The following SPINK9 variants were observed in gnomAD, a reference collection of about 807,000 sequenced individuals.
SPINK9 encodes the protein serine peptidase inhibitor Kazal type 9, also known as serine protease inhibitor Kazal-type 9.
A neutral mutation model predicts 10.8 loss-of-function variants in SPINK9; 3 were observed. The ratio of observed to expected loss-of-function variants is 0.28; its 90% CI spans 0.13 to 0.72. SPINK9 has a LOEUF of 0.72. SPINK9 is among the 30% of genes least tolerant of loss of function. SPINK9 has a pLI of 0.74. For missense variants in SPINK9, 101 were observed against 103.2 expected (o/e 0.98, Z 0.09); for synonymous variants, 30 against 31.2 (o/e 0.96, Z 0.12).
intron 3 of SPINK9, among the ~76,000 whole-genome samples, chr5:148,338,940 G>A (rs1279934642): frequency 7.9e-5 from 12 of 152,066 alleles, no homozygotes; most frequent in Admixed American, 5.9e-4. Context: ...TATTTCCAGG[G>A]TCAAGGAGTA....
chr5:148,338,390 G>A (rs957747025), intron 2 of SPINK9, 88 bp from the exon 3 acceptor site: 11 of 1,217,732 alleles, frequency 9.0e-6, no homozygotes, highest in Non-Finnish European at 1.3e-5. Context: ...CATGCATTGA[G>A]AGCCCTCTGA....
chr5:148,335,667 C>A lies in SPINK9; in HGVS notation c.54C>A (p.Phe18Leu). Residue 18 changes from phenylalanine to leucine, a missense_variant and splice_region_variant, in exon 1 of 4, where the codon TTC (phenylalanine) becomes TTA (leucine). Physicochemically the swap from Phe to Leu is conservative, Grantham distance 22. Coordinates refer to ENST00000377906, the MANE Select transcript of SPINK9 (RefSeq NM_001040433.2). ...LLLALTLATM[F>L]SIECAKQTKQ... ...TGGCTCTGACACTTGCAACCATGTT[C>A]AGTGAGTATCTCTGATAATACTGCC... is the stretch of plus-strand genomic sequence containing the variant. 6.2e-7 allele frequency: 1 copy of A among 1,613,446 alleles called. No homozygotes were observed. Among genetic ancestry groups the A allele is most frequent in the South Asian group, 1.1e-5 (1 of 91,064 alleles).
intron 2 of SPINK9, among the ~76,000 whole-genome samples, chr5:148,326,510 A>G (rs1479537888): frequency 6.6e-6 from 1 of 151,994 alleles, no homozygotes; most frequent in Non-Finnish European, 1.5e-5. Context: ...TCAACAGAGG[A>G]ATGAATTTTT....
intron 2 of SPINK9, among the ~76,000 whole-genome samples, chr5:148,326,488 C>T (rs958870103): frequency 4.6e-5 from 7 of 152,032 alleles, no homozygotes; most frequent in Non-Finnish European, 8.8e-5. Context: ...ATAGAAATAA[C>T]CAAAGTGCCC....
At chr5:148,323,731 C>A (rs752883399) in exon 2 of SPINK9, 8 of 689,086 alleles carry the variant, frequency 1.2e-5, no homozygotes, top group Non-Finnish European at 2.1e-5. Context: ...TCTGTGTGAT[C>A]AATCAGCATT....
chr5:148,335,932 T>G (rs1313217067), intron 1 of SPINK9, among the ~76,000 whole-genome samples: 2 of 152,230 alleles, frequency 1.3e-5, no homozygotes, highest in African/African-American at 2.4e-5. Context: ...AGACTCTGCT[T>G]TGACTTGATG....
At position 148,326,659 on chromosome 5, in the gene SPINK9, C is replaced by T. The variant is rs548209062; in HGVS notation, c.118+2791C>T. Among the ~76,000 whole-genome samples, 3 of 152,086 alleles carry T rather than the reference C, an allele frequency of 2.0e-5. 1 individual carries two copies. In the East Asian group the frequency reaches 5.8e-4, roughly 29 times the overall value. Reference sequence around the variant, plus strand: ...AGGTATATCTCCTAATGCTATCCCTCCCCCTGCCCCCACCCCACAACAGTC... The same window carrying T: ...AGGTATATCTCCTAATGCTATCCCTTCCCCTGCCCCCACCCCACAACAGTC... On this transcript the variant is annotated intron_variant, in intron 2 of 4. Coordinates refer to the SPINK9 transcript ENST00000511717.
At chr5:148,328,689 T>C (rs1757104281) in intron 2 of SPINK9, among the ~76,000 whole-genome samples, 1 of 152,180 alleles carries the variant, frequency 6.6e-6, no homozygotes, top group South Asian at 2.1e-4. Context: ...CAATACCTAA[T>C]TTATTGAGAG....
At chr5:148,332,704 C>G (rs915147589), upstream of SPINK9, among the ~76,000 whole-genome samples, 1 of 152,170 alleles carries the variant, frequency 6.6e-6, no homozygotes, top group Non-Finnish European at 1.5e-5. Flanking sequence ...ATGGACTATT[C>G]TAAAGTTCCA....
At chr5:148,327,719 C>T (rs1235383808) in intron 2 of SPINK9, among the ~76,000 whole-genome samples, 1 of 151,232 alleles carries the variant, frequency 6.6e-6, no homozygotes, top group Non-Finnish European at 1.5e-5. Flanking sequence ...CAGCTTTCTA[C>T]ATATGGCTAG....
At chr5:148,331,719 C>A (rs1004208475), upstream of SPINK9, among the ~76,000 whole-genome samples, 1 of 152,172 alleles carries the variant, frequency 6.6e-6, no homozygotes, top group East Asian at 1.9e-4. Flanking sequence ...CAAAACATCA[C>A]ATTGTACTCC....
At chr5:148,329,280 A>G (rs761466869) in intron 2 of SPINK9, among the ~76,000 whole-genome samples, 1 of 152,122 alleles carries the variant, frequency 6.6e-6, no homozygotes. Flanking sequence ...TAGATTTTCT[A>G]GTTTATTTGC....
At chr5:148,333,010 T>A (rs529662420), upstream of SPINK9, among the ~76,000 whole-genome samples, 7 of 152,194 alleles carry the variant, frequency 4.6e-5, no homozygotes, top group South Asian at 1.5e-3. Context: ...ATTTAAAAAT[T>A]TTTCATATTT....
intron 1 of SPINK9, 119 bp downstream of exon 1, chr5:148,335,787 A>G (rs923990534): frequency 4.8e-5 from 60 of 1,246,886 alleles, no homozygotes; most frequent in Non-Finnish European, 6.7e-5. Flanking sequence ...AACTTTTTAA[A>G]ATGAATCTTT....
upstream of SPINK9, among the ~76,000 whole-genome samples, chr5:148,332,503 C>T (rs1402364084): frequency 2.0e-5 from 3 of 152,116 alleles, no homozygotes; most frequent in Admixed American, 6.5e-5. Flanking sequence ...TGAGCATTCA[C>T]GACAGATAAA....
At chr5:148,325,181 T>C (rs1016881612) in intron 2 of SPINK9, among the ~76,000 whole-genome samples, 5 of 152,112 alleles carry the variant, frequency 3.3e-5, no homozygotes, top group African/African-American at 4.8e-5. Flanking sequence ...CATAAATTGA[T>C]GGATAGTTGG....
In SPINK9 at chr5:148,337,299, C is replaced by T. The variant is rs192026841; in HGVS notation, c.87+846C>T. On this transcript the variant is annotated intron_variant, in intron 2 of 3. Transcript: ENST00000377906. Reference sequence around the variant, plus strand: ...ATCATCAGGCACTGCTGTTTCTATTCTGCTGCACTAGCCTCTAAGGTCCTC... The same window carrying T: ...ATCATCAGGCACTGCTGTTTCTATTTTGCTGCACTAGCCTCTAAGGTCCTC... Among the ~76,000 whole-genome samples, 276 of 152,252 alleles carry T rather than the reference C, an allele frequency of 1.8e-3. 2 individuals are homozygous for T. The highest frequency in any genetic ancestry group is 6.4e-3 in the African/African-American group (264 of 41,554).
chr5:148,337,311 C>A (rs1374152338), intron 2 of SPINK9, among the ~76,000 whole-genome samples: 1 of 152,142 alleles, frequency 6.6e-6, no homozygotes, highest in Non-Finnish European at 1.5e-5. Context: ...GCTGCACTAG[C>A]CTCTAAGGTC....
upstream of SPINK9, among the ~76,000 whole-genome samples, chr5:148,331,771 A>G (rs1439189151): frequency 1.3e-5 from 2 of 152,242 alleles, no homozygotes; most frequent in Non-Finnish European, 2.9e-5. Flanking sequence ...AAAATAAAAT[A>G]AAACTATATT....
Sources: allele counts gnomAD v4.1 joint callset (sites outside exome capture counted in the v4.1 genomes callset), GRCh38; gene constraint gnomAD v4.1.1; transcripts MANE v1.5; gene names NCBI Gene and HGNC (gene_info 2026-07-23, HGNC 2026-07-21).